GALNT13: variants seen among roughly 807,000 people sequenced by gnomAD.
The protein encoded by GALNT13 is UDP-GalNAc:polypeptide N-acetylgalactosaminyltransferase 13.
GALNT13 carries 28 observed loss-of-function variants against 64.2 expected under a neutral mutation model. The observed-to-expected ratio is 0.44, with a 90% CI of 0.32 to 0.60. GALNT13 has a LOEUF of 0.60. Among genes scored for constraint, GALNT13 ranks in the 20% least tolerant of loss-of-function variants. The pLI, the probability that GALNT13 is intolerant of heterozygous loss-of-function variation, is 0.05. For synonymous variants in GALNT13, 214 were observed against 224.6 expected (o/e 0.95, Z 0.42); for missense variants, 577 against 669.8 (o/e 0.86, Z 1.53).
chr2:154,257,478 T>G (rs1163739523), intron 7 of GALNT13: 1 of 152,168 alleles, frequency 6.6e-6, no homozygotes, highest in African/African-American at 2.4e-5. Flanking sequence ...ATTGCCATAG[T>G]GTTCCAAAAC....
chr2:154,339,088 C>A (rs565637662), intron 9 of GALNT13, among the ~76,000 whole-genome samples: 93 of 152,240 alleles, frequency 6.1e-4, no homozygotes, highest in Non-Finnish European at 9.3e-4. Flanking sequence ...TACCAAGCAT[C>A]TACTACATAT....
the GALNT13 span, among the ~76,000 whole-genome samples, chr2:153,562,661 T>C: frequency 7.9e-5 from 12 of 152,240 alleles, no homozygotes; most frequent in African/African-American, 2.9e-4. Flanking sequence ...AAATGGACCT[T>C]GTGTTCAATA....
chr2:153,698,316 C>A, the GALNT13 span, among the ~76,000 whole-genome samples: 1 of 152,058 alleles, frequency 6.6e-6, no homozygotes, highest in East Asian at 1.9e-4. Context: ...GATAAAGACT[C>A]AAGACCCATC....
At chr2:153,634,556 T>G in the GALNT13 span, among the ~76,000 whole-genome samples, 1 of 144,830 alleles carries the variant, frequency 6.9e-6, no homozygotes, top group Non-Finnish European at 1.5e-5. Flanking sequence ...TTTTTTTTTT[T>G]TTTTTTTTTT....
chr2:153,108,787 T>G, the GALNT13 span, among the ~76,000 whole-genome samples: 5 of 152,174 alleles, frequency 3.3e-5, no homozygotes, highest in African/African-American at 1.2e-4. Context: ...TTTTATTAAC[T>G]TGCTAATTAG....
At chr2:153,256,469 T>A in the GALNT13 span, among the ~76,000 whole-genome samples, 2 of 152,222 alleles carry the variant, frequency 1.3e-5, no homozygotes, top group African/African-American at 4.8e-5. Context: ...TCTCAGCTCC[T>A]CAACGTCATT....
chr2:153,642,446 C>A, the GALNT13 span, among the ~76,000 whole-genome samples: 1 of 151,680 alleles, frequency 6.6e-6, no homozygotes, highest in Non-Finnish European at 1.5e-5. Flanking sequence ...TAGTAGGATG[C>A]AGCTATTTTA....
At chr2:153,643,377 T>A in the GALNT13 span, among the ~76,000 whole-genome samples, 1 of 151,424 alleles carries the variant, frequency 6.6e-6, no homozygotes, top group Non-Finnish European at 1.5e-5. Flanking sequence ...AATAACCACA[T>A]GACAAACATT....
chr2:153,379,506 C>G, the GALNT13 span, among the ~76,000 whole-genome samples: 1 of 152,142 alleles, frequency 6.6e-6, no homozygotes, highest in Non-Finnish European at 1.5e-5. Context: ...AGCAATCAGA[C>G]TTCTTTGTCT....
chr2:154,114,497 T>C (rs1703170332), intron 3 of GALNT13, among the ~76,000 whole-genome samples: 1 of 152,176 alleles, frequency 6.6e-6, no homozygotes, highest in African/African-American at 2.4e-5. Flanking sequence ...GTCCCTGAAA[T>C]GCCTATCATT....
chr2:153,502,152 T>C, the GALNT13 span, among the ~76,000 whole-genome samples: 2 of 152,208 alleles, frequency 1.3e-5, no homozygotes, highest in Admixed American at 1.3e-4. Context: ...GAATAAATTC[T>C]TTAGTGGTGA....
chr2:153,628,504 T>TC, the GALNT13 span, among the ~76,000 whole-genome samples: 3 of 151,372 alleles, frequency 2.0e-5, no homozygotes, highest in African/African-American at 7.3e-5. Flanking sequence ...GCTCTTATTA[T>TC]TTTGAAATAC....
At chr2:154,406,904 T>A (rs1699570882) in intron 10 of GALNT13, among the ~76,000 whole-genome samples, 1 of 152,210 alleles carries the variant, frequency 6.6e-6, no homozygotes, top group Admixed American at 6.5e-5. Context: ...AGGTGTTACA[T>A]ACTAAAACAT....
the GALNT13 span, among the ~76,000 whole-genome samples, chr2:153,599,678 A>G: frequency 2.0e-5 from 3 of 152,102 alleles, no homozygotes; most frequent in Middle Eastern, 3.4e-3. Flanking sequence ...CAACTCCCCA[A>G]GAGACACCTG....
the GALNT13 span, among the ~76,000 whole-genome samples, chr2:153,380,480 A>T: frequency 0.012 from 1,843 of 152,082 alleles, 42 homozygotes; most frequent in African/African-American, 0.042. Flanking sequence ...TCTAAATAAT[A>T]ATAATAATAA....
At chr2:153,600,569 G>C in the GALNT13 span, among the ~76,000 whole-genome samples, 1 of 151,870 alleles carries the variant, frequency 6.6e-6, no homozygotes, top group African/African-American at 2.4e-5. Context: ...GTCTGCACTA[G>C]TGCATTTGTG....
At chr2:154,023,257 C>G (rs532810637) in intron 3 of GALNT13, among the ~76,000 whole-genome samples, 1 of 152,244 alleles carries the variant, frequency 6.6e-6, no homozygotes, top group East Asian at 1.9e-4. Flanking sequence ...TGTTAACTTT[C>G]TGTCTCGTTT....
At chr2:153,662,605 A>C in the GALNT13 span, among the ~76,000 whole-genome samples, 1 of 152,214 alleles carries the variant, frequency 6.6e-6, no homozygotes, top group African/African-American at 2.4e-5. Context: ...AACTTGTCTG[A>C]TTGAAATGAG....
At chr2:154,428,925 T>A (rs908250448) in intron 11 of GALNT13, among the ~76,000 whole-genome samples, 11 of 152,036 alleles carry the variant, frequency 7.2e-5, no homozygotes, top group Non-Finnish European at 1.3e-4. Flanking sequence ...CTGCCACCAC[T>A]AACTATTGTT....
Sources: allele counts gnomAD v4.1 joint callset (sites outside exome capture counted in the v4.1 genomes callset), GRCh38; gene constraint gnomAD v4.1.1; transcripts MANE v1.5; gene names NCBI Gene and HGNC (gene_info 2026-07-23, HGNC 2026-07-21).